The following PCDHGA1 variants were observed in gnomAD, a reference collection of about 807,000 sequenced individuals.
The protein encoded by PCDHGA1 is protocadherin gamma-A1.
A neutral mutation model predicts 58.0 loss-of-function variants in PCDHGA1; 32 were observed. The ratio of observed to expected loss-of-function variants is 0.55; its 90% CI spans 0.42 to 0.74. The LOEUF (loss-of-function observed/expected upper bound fraction) is 0.74, where lower values mean the gene tolerates loss of function less well. Ranked by LOEUF, PCDHGA1 falls within the 30% of genes least tolerant of loss-of-function variation. The pLI, the probability that PCDHGA1 is intolerant of heterozygous loss-of-function variation, is 0.00. For synonymous variants in PCDHGA1, 498 were observed against 501.1 expected (o/e 0.99, Z 0.08); for missense variants, 1,205 against 1,182.3 (o/e 1.02, Z -0.28).
chr5:141,373,969 C>T, intron 1 of PCDHGA1: 2 of 1,010,234 alleles, frequency 2.0e-6, no homozygotes, highest in Non-Finnish European at 2.7e-6. Context: ...TGAAACGCTT[C>T]GCATCCGGTC....
chr5:141,364,241 C>T (rs1408729947), intron 1 of PCDHGA1: 2 of 1,442,340 alleles, frequency 1.4e-6, no homozygotes, highest in Non-Finnish European at 1.8e-6. Flanking sequence ...CGCCCATTTT[C>T]GTCAGGGAAT....
intron 1 of PCDHGA1, chr5:141,364,368 T>A (rs1474327704): frequency 6.4e-7 from 1 of 1,565,420 alleles, no homozygotes; most frequent in African/African-American, 1.4e-5. Flanking sequence ...TGCGGAGAGC[T>A]GCTGCTGCCC....
intron 1 of PCDHGA1, chr5:141,405,253 C>T (rs78501291): frequency 0.034 from 55,338 of 1,614,052 alleles, 1,052 homozygotes; most frequent in Middle Eastern, 0.098. Flanking sequence ...GGAAGAGTCA[C>T]CTGATCTTCC....
chr5:141,450,645 C>T (rs2098688869), intron 1 of PCDHGA1, among the ~76,000 whole-genome samples: 2 of 151,618 alleles, frequency 1.3e-5, no homozygotes, highest in Non-Finnish European at 2.9e-5. Context: ...TGCCACCATG[C>T]CTGGCTAATT....
At chr5:141,336,370 A>T (rs1756616174) in intron 1 of PCDHGA1, among the ~76,000 whole-genome samples, 1 of 152,158 alleles carries the variant, frequency 6.6e-6, no homozygotes, top group African/African-American at 2.4e-5. Context: ...AAAAACACAA[A>T]CACAAACACA....
intron 1 of PCDHGA1, among the ~76,000 whole-genome samples, chr5:141,338,547 A>G (rs894877467): frequency 2.6e-5 from 4 of 152,246 alleles, no homozygotes; most frequent in South Asian, 4.1e-4. Flanking sequence ...GTTCATTTAT[A>G]CCATTCTTAT....
At chr5:141,441,782 G>T in intron 1 of PCDHGA1, 1 of 391,086 alleles carries the variant, frequency 2.6e-6, no homozygotes, top group East Asian at 8.8e-5. Context: ...TGGACGACCT[G>T]AATGACAACG....
chr5:141,394,336 A>C lies in PCDHGA1; in HGVS notation c.2421+61231A>C, dbSNP rs1205005872. On this transcript the variant is annotated intron_variant, in intron 1 of 3. Coordinates refer to ENST00000517417, the MANE Select transcript of PCDHGA1 (RefSeq NM_018912.3). ...CCCCTGTCCTCGTATATCTCCATCA[A>C]CTCTGACACCGGTGTCCTGTATGCG... 6.2e-7 allele frequency: 1 copy of C among 1,613,822 alleles called. No homozygotes were observed. The highest frequency in any genetic ancestry group is 1.1e-5 in the South Asian group (1 of 91,058).
Position 141,432,126 on chromosome 5 carries a change from C to A in PCDHGA1, c.2422-62681C>A. 6.2e-7 allele frequency: 1 copy of A among 1,614,144 alleles called. No homozygotes were observed. Among genetic ancestry groups the A allele is most frequent in the South Asian group, 1.1e-5 (1 of 91,058 alleles). ...AACCCGCCGGTCTTCCCTCAGGCCT[C>A]CTATTCCGCTTATATCCCAGAGAAC... On this transcript the variant is annotated intron_variant, in intron 1 of 3. Transcript: ENST00000517417. The surrounding 1 kb of genome is among the most constrained non-coding windows in gnomAD (Gnocchi z 6.0).
At chr5:141,351,150 T>G (rs781775496) in intron 1 of PCDHGA1, 3 of 1,614,020 alleles carry the variant, frequency 1.9e-6, no homozygotes, top group Non-Finnish European at 2.5e-6. Context: ...ACTGGCGACA[T>G]CACAACCAAT....
At chr5:141,506,247 G>A (rs113270457) in intron 3 of PCDHGA1, among the ~76,000 whole-genome samples, 8,033 of 152,078 alleles carry the variant, frequency 0.053, 470 homozygotes, top group African/African-American at 0.14. Flanking sequence ...TCAGGAGTTC[G>A]AAACCGGCCT....
At chr5:141,449,979 C>T (rs1382206842) in intron 1 of PCDHGA1, among the ~76,000 whole-genome samples, 1 of 148,862 alleles carries the variant, frequency 6.7e-6, no homozygotes, top group Non-Finnish European at 1.5e-5. Context: ...TCCAAAATAT[C>T]ACACATTGCA....
chr5:141,364,378 C>T (rs1453338344), intron 1 of PCDHGA1: 2 of 1,578,948 alleles, frequency 1.3e-6, no homozygotes, highest in Admixed American at 1.9e-5. Context: ...TGCTGCTGCC[C>T]TTCATGCTCC....
At chr5:141,408,847 G>A in intron 1 of PCDHGA1, 1 of 1,613,498 alleles carries the variant, frequency 6.2e-7, no homozygotes, top group African/African-American at 1.3e-5. Flanking sequence ...TGACTGCCTT[G>A]GACGGAGGGG....
At chr5:141,418,898 A>G (rs768409383) in intron 1 of PCDHGA1, 2 of 1,614,016 alleles carry the variant, frequency 1.2e-6, no homozygotes, top group South Asian at 2.2e-5. Flanking sequence ...CAGCCCAGAA[A>G]TAATCATCAC....
At chr5:141,407,547 T>C (rs895082728) in intron 1 of PCDHGA1, among the ~76,000 whole-genome samples, 1 of 151,860 alleles carries the variant, frequency 6.6e-6, no homozygotes, top group Non-Finnish European at 1.5e-5. Flanking sequence ...GGTAACAGAT[T>C]GTAGAACATA....
chr5:141,455,550 G>C lies in PCDHGA1; in HGVS notation c.2422-39257G>C, dbSNP rs1195359804. On this transcript the variant is annotated intron_variant, in intron 1 of 3. Transcript: ENST00000517417. ...ACCAGGCATATCATTCACGTAGCCC[G>C]AGAAAAAGCTGGCCCTCCCACCCCA... 2.0e-5 allele frequency among the ~76,000 whole-genome samples: 3 copies of C among 152,138 alleles called. No individual in the cohort carries two copies. In the South Asian group the frequency reaches 6.2e-4, roughly 32 times the overall value.
At position 141,480,148 on chromosome 5, in the gene PCDHGA1, G is replaced by C. The variant is rs139861128; in HGVS notation, c.2422-14659G>C. On this transcript the variant is annotated intron_variant, in intron 1 of 3. Transcript: ENST00000517417. ...ATAACTGTTAAACAATTATTAGCCA[G>C]CTCCTAGCATTTTGGGAGGCTGAGG... 9.2e-4 allele frequency among the ~76,000 whole-genome samples: 140 copies of C among 152,036 alleles called. 1 individual carries two copies. The highest frequency in any genetic ancestry group is 3.1e-3 in the African/African-American group (127 of 41,470).
Position 141,489,409 on chromosome 5 carries a change from A to T in PCDHGA1, c.2422-5398A>T. On this transcript the variant is annotated intron_variant, in intron 1 of 3. Transcript: ENST00000517417. The surrounding 1 kb of genome is among the most constrained non-coding windows in gnomAD (Gnocchi z 4.5). ...TGCTCAGGATCTGGGCTTAAAGATG[A>T]CAGATCTGTTGAGCCGGCGGCTGCA... 1.9e-6 allele frequency: 3 copies of T among 1,614,114 alleles called. No homozygotes were observed. The highest frequency in any genetic ancestry group is 2.5e-6 in the Non-Finnish European group (3 of 1,180,004).
Sources: gnomAD v4.1 joint callset for allele counts (sites outside exome capture counted in the v4.1 genomes callset) on GRCh38, gnomAD v4.1.1 for gene constraint, Gnocchi (gnomAD v3.1) non-coding constraint, MANE v1.5 for transcripts, NCBI Gene and HGNC (gene_info 2026-07-23, HGNC 2026-07-21) for gene names.